MYPN: variants seen among roughly 807,000 people sequenced by gnomAD.
MYPN encodes the protein sarcomeric protein myopalladin, 145 kDa (MYOP).
In MYPN, 63 loss-of-function variants were observed where a neutral mutation model predicts 129.4. The observed-to-expected ratio is 0.49, with a 90% CI of 0.40 to 0.60. The LOEUF is 0.60. MYPN is among the 20% of genes least tolerant of loss of function. MYPN has a pLI of 0.00. For synonymous variants in MYPN, 629 were observed against 600.9 expected, an observed-to-expected ratio of 1.05 and a Z score of -0.68; for missense variants, 1,596 against 1,635.4, an observed-to-expected ratio of 0.98 and a Z score of 0.42.
At position 68,126,771 on chromosome 10, in the gene MYPN, TG is replaced by T. The variant is rs546623639; in HGVS notation, c.902+4434del. Among the ~76,000 whole-genome samples the T allele has an allele frequency of 1.6e-3, 251 of 152,146 alleles. 1 individual carries two copies. Among genetic ancestry groups the T allele is most frequent in the African/African-American group, 5.2e-3 (215 of 41,494 alleles). ...GTGGCTGGTTTGTGGAGGAGGTCGATGGGAATTTGAGTCTGAGGGGACAGAA... is the reference window on the plus strand; with the variant it reads ...GTGGCTGGTTTGTGGAGGAGGTCGATGGAATTTGAGTCTGAGGGGACAGAA... On this transcript the variant is annotated intron_variant, in intron 2 of 19. Coordinates refer to ENST00000358913, the MANE Select transcript of MYPN (RefSeq NM_032578.4).
intron 6 of MYPN, among the ~76,000 whole-genome samples, chr10:68,152,026 A>G (rs1325260394): frequency 1.3e-5 from 2 of 152,186 alleles, no homozygotes; most frequent in African/African-American, 4.8e-5. Flanking sequence ...TAAGATGTAC[A>G]TTGATTTGGT....
At chr10:68,089,680 CGAG>C (rs1232138548) in intron 1 of MYPN, among the ~76,000 whole-genome samples, 2 of 151,866 alleles carry the variant, frequency 1.3e-5, no homozygotes, top group Admixed American at 6.6e-5. Context: ...CTTAAGTGTG[CGAG>C]AAGAGAGAAG....
intron 8 of MYPN, among the ~76,000 whole-genome samples, chr10:68,165,288 C>T (rs1292934683): frequency 2.6e-5 from 4 of 152,160 alleles, no homozygotes; most frequent in Non-Finnish European, 5.9e-5. Context: ...CCTATCTCTA[C>T]TAAAAATACA....
chr10:68,100,566 A>T (rs1214850939), intron 1 of MYPN, among the ~76,000 whole-genome samples: 4 of 152,176 alleles, frequency 2.6e-5, no homozygotes, highest in African/African-American at 9.7e-5. Context: ...TGATCTTTAC[A>T]GGGTGGATAG....
intron 1 of MYPN, chr10:68,114,144 G>C (rs1276856453): frequency 6.6e-6 from 1 of 152,068 alleles, no homozygotes; most frequent in Admixed American, 6.6e-5. Context: ...CTTCATACTA[G>C]TTTTTGCCAA....
intron 8 of MYPN, among the ~76,000 whole-genome samples, chr10:68,163,926 C>A (rs1418234582): frequency 6.6e-6 from 1 of 152,128 alleles, no homozygotes; most frequent in African/African-American, 2.4e-5. Flanking sequence ...GTCTCAACTA[C>A]CACTTAACAA....
chr10:68,126,056 C>A (rs1441282776), intron 2 of MYPN, among the ~76,000 whole-genome samples: 1 of 152,102 alleles, frequency 6.6e-6, no homozygotes, highest in African/African-American at 2.4e-5. Flanking sequence ...GAAGTGTTAA[C>A]ACAGGAGGTA....
At chr10:68,112,577 C>T (rs1364915518) in intron 1 of MYPN, among the ~76,000 whole-genome samples, 1 of 152,204 alleles carries the variant, frequency 6.6e-6, no homozygotes, top group Non-Finnish European at 1.5e-5. Flanking sequence ...CCTGATGGAT[C>T]ATCTCTGCTC....
chr10:68,090,066 C>T (rs145123591), intron 1 of MYPN, among the ~76,000 whole-genome samples: 35 of 152,196 alleles, frequency 2.3e-4, no homozygotes, highest in African/African-American at 2.4e-4. Flanking sequence ...TTCCTCCATC[C>T]GACTTTCAGT....
chr10:68,124,371 T>C (rs1441462683), intron 2 of MYPN, among the ~76,000 whole-genome samples: 1 of 152,224 alleles, frequency 6.6e-6, no homozygotes, highest in African/African-American at 2.4e-5. Flanking sequence ...TATGATTTCA[T>C]TACTATTTAA....
intron 1 of MYPN, among the ~76,000 whole-genome samples, chr10:68,118,899 AAGGAAGGAAGG>A (rs1331229453): frequency 6.6e-6 from 1 of 150,852 alleles, no homozygotes; most frequent in Non-Finnish European, 1.5e-5. Flanking sequence ...GGAAGGAAGG[AAGGAAGGAAGG>A]AAGGAAGGAA....
chr10:68,197,869 A>G (rs2043637852), intron 16 of MYPN, among the ~76,000 whole-genome samples: 1 of 152,154 alleles, frequency 6.6e-6, no homozygotes, highest in South Asian at 2.1e-4. Context: ...TTGATAACCA[A>G]GACAGCTACT....
rs373040567 is a variant in MYPN, at chr10:68,174,281, C to G, written c.2189C>G (p.Thr730Arg). 1 of 1,614,166 alleles carries G rather than the reference C, an allele frequency of 6.2e-7. No homozygotes were observed. The change falls in exon 11 of 20, where the codon ACG becomes AGG. Residue 730 changes from threonine to arginine, a missense_variant. Transcript: ENST00000358913. ...CGGCCGAAGTATTTCTTCCCCTCCA[C>G]GAACACCACCGCAGCAACTGTGGCC... Reference protein sequence around the residue: ...LARPKYFFPSTNTTAATVAPS... With the variant: ...LARPKYFFPSRNTTAATVAPS...
intron 1 of MYPN, among the ~76,000 whole-genome samples, chr10:68,112,980 A>G (rs2042102069): frequency 6.6e-6 from 1 of 152,218 alleles, no homozygotes; most frequent in Non-Finnish European, 1.5e-5. Flanking sequence ...CTTCTCCAAA[A>G]GAACTGACTT....
At chr10:68,206,732 C>G (rs1263032017) in intron 18 of MYPN, 38 bp from the exon 19 acceptor site, 7 of 1,613,892 alleles carry the variant, frequency 4.3e-6, no homozygotes, top group Non-Finnish European at 5.9e-6. Context: ...ATTTCTGCCC[C>G]CCGATAAAAT....
At position 68,127,431 on chromosome 10, in the gene MYPN, T is replaced by A. The variant is rs1298374407; in HGVS notation, c.902+5091T>A. On this transcript the variant is annotated intron_variant, in intron 2 of 19. Coordinates refer to ENST00000358913, the MANE Select transcript of MYPN (RefSeq NM_032578.4). ...CTCACTGCAACCTCCGCCTCCTGGG[T>A]TCAAGTGATTCTTCTGCCTCAGCCT... 3.5e-5 allele frequency among the ~76,000 whole-genome samples: 5 copies of A among 143,622 alleles called. No individual in the cohort carries two copies. In the East Asian group the frequency reaches 1.1e-3, roughly 32 times the overall value. 94.2% of individuals were successfully genotyped at this position (143,622 alleles called of 152,430 possible).
At chr10:68,208,257 T>G (rs2043849415) in intron 19 of MYPN, among the ~76,000 whole-genome samples, 1 of 152,204 alleles carries the variant, frequency 6.6e-6, no homozygotes, top group Non-Finnish European at 1.5e-5. Context: ...TAGCTCTGTC[T>G]ATTACCTGAT....
chr10:68,087,997 G>T (rs2133930339), intron 1 of MYPN, among the ~76,000 whole-genome samples: 1 of 152,298 alleles, frequency 6.6e-6, no homozygotes, highest in South Asian at 2.1e-4. Flanking sequence ...TGCCAGGTAA[G>T]GTCCTCCCTC....
chr10:68,172,039 G>A (rs780135541), intron 10 of MYPN, among the ~76,000 whole-genome samples: 4 of 152,094 alleles, frequency 2.6e-5, no homozygotes, highest in Non-Finnish European at 4.4e-5. Flanking sequence ...CAGAGTCTTT[G>A]TGTCCCAAAA....
Sources: allele counts gnomAD v4.1 joint callset (sites outside exome capture counted in the v4.1 genomes callset), GRCh38; gene constraint gnomAD v4.1.1; transcripts MANE v1.5; gene names NCBI Gene and HGNC (gene_info 2026-07-23, HGNC 2026-07-21).